SOX5: variants seen among roughly 807,000 people sequenced by gnomAD.
SOX5 encodes the protein transcription factor SOX-5.
SOX5 carries 9 observed loss-of-function variants against 92.0 expected under a neutral mutation model. That is an observed-to-expected ratio of 0.10 (90% CI 0.06 to 0.17). The LOEUF is 0.17. SOX5 is among the 10% of genes least tolerant of loss of function. The pLI is 1.00. For synonymous variants in SOX5, 344 were observed against 336.3 expected, an observed-to-expected ratio of 1.02 and a Z score of -0.25; for missense variants, 642 against 944.5, an observed-to-expected ratio of 0.68 and a Z score of 4.20.
At chr12:23,922,602 A>G (rs1006571359) in intron 1 of SOX5, among the ~76,000 whole-genome samples, 3 of 152,224 alleles carry the variant, frequency 2.0e-5, no homozygotes, top group African/African-American at 7.2e-5. Context: ...TTTAGACGCT[A>G]TTACAGAGAA....
At chr12:23,757,644 G>C (rs1187260104) in intron 3 of SOX5, among the ~76,000 whole-genome samples, 4 of 151,914 alleles carry the variant, frequency 2.6e-5, no homozygotes, top group Non-Finnish European at 5.9e-5. Context: ...ATTTGCAATA[G>C]AGTACTGTCA....
At chr12:24,299,291 T>A (rs1947682657) in intron 2 of SOX5, among the ~76,000 whole-genome samples, 1 of 152,174 alleles carries the variant, frequency 6.6e-6, no homozygotes, top group Admixed American at 6.5e-5. Context: ...TATTCAGCAA[T>A]TTACGACAAG....
In SOX5 at chr12:24,211,286, T is replaced by G. The variant is rs573392024; in HGVS notation, c.-2+2057A>C. Among the ~76,000 whole-genome samples the G allele has an allele frequency of 1.4e-3, 208 of 152,356 alleles. 2 individuals carry two copies. The highest frequency in any genetic ancestry group is 8.2e-4 in the Non-Finnish European group (56 of 68,022). Reference sequence around the variant, plus strand: ...GGAGGTATTTCAGTGTTCTCTAGTATCTCTGCTTTATTTTTCTTCTTAGTA... The same window carrying G: ...GGAGGTATTTCAGTGTTCTCTAGTAGCTCTGCTTTATTTTTCTTCTTAGTA... On this transcript the variant is annotated intron_variant, in intron 4 of 4. Transcript: ENST00000446891.
chr12:24,253,451 C>G (rs10842298), intron 3 of SOX5, among the ~76,000 whole-genome samples: 23,567 of 151,960 alleles, frequency 0.16, 2,266 homozygotes, highest in South Asian at 0.23. Context: ...ACCATTGATC[C>G]TTATTCATCT....
intron 1 of SOX5, among the ~76,000 whole-genome samples, chr12:24,519,528 G>C (rs1222426087): frequency 6.6e-6 from 1 of 152,084 alleles, no homozygotes; most frequent in East Asian, 1.9e-4. Context: ...AAGATACCTG[G>C]AGAAAAAGTG....
intron 1 of SOX5, among the ~76,000 whole-genome samples, chr12:24,550,091 G>T (rs1380738178): frequency 1.1e-4 from 17 of 152,234 alleles, no homozygotes. Context: ...TGCTAGCTAT[G>T]CTACTTTGAG....
intron 8 of SOX5, among the ~76,000 whole-genome samples, chr12:23,620,514 C>G (rs554461439): frequency 6.6e-6 from 1 of 151,924 alleles, no homozygotes; most frequent in Admixed American, 6.6e-5. Flanking sequence ...TTTCCTCTTT[C>G]TTGTATAATT....
At chr12:23,965,486 C>T (rs954715546) in intron 4 of SOX5, among the ~76,000 whole-genome samples, 1 of 152,160 alleles carries the variant, frequency 6.6e-6, no homozygotes, top group Non-Finnish European at 1.5e-5. Flanking sequence ...CAACTTCCTG[C>T]ACAAATTGTG....
chr12:23,640,988 C>T, intron 7 of SOX5, 91 bp from the exon 8 acceptor site: 1 of 832,876 alleles, frequency 1.2e-6, no homozygotes, highest in Non-Finnish European at 1.9e-6. Flanking sequence ...CAAAAGCCTT[C>T]TTTTGTGTGC....
At chr12:24,167,580 G>A (rs1450452300) in intron 4 of SOX5, among the ~76,000 whole-genome samples, 1 of 152,166 alleles carries the variant, frequency 6.6e-6, no homozygotes, top group Admixed American at 6.5e-5. Context: ...CACATTCTAA[G>A]AATTCTACTT....
chr12:24,499,044 T>C (rs1215425379), intron 1 of SOX5, among the ~76,000 whole-genome samples: 3 of 152,208 alleles, frequency 2.0e-5, no homozygotes, highest in African/African-American at 7.2e-5. Flanking sequence ...TCAATCTACA[T>C]GGGCTCATGC....
At chr12:23,582,125 A>G (rs1274979422) in intron 9 of SOX5, 6 of 983,744 alleles carry the variant, frequency 6.1e-6, no homozygotes, top group Non-Finnish European at 7.2e-6. Context: ...GTTACATGAC[A>G]GCCTGAATTG....
At chr12:23,584,417 C>G in intron 9 of SOX5, 1 of 752,194 alleles carries the variant, frequency 1.3e-6, no homozygotes, top group Non-Finnish European at 2.4e-6. Flanking sequence ...TCTGGTTATA[C>G]GCAGATAGGC....
intron 4 of SOX5, among the ~76,000 whole-genome samples, chr12:24,071,494 G>A (rs1941765999): frequency 6.6e-6 from 1 of 152,114 alleles, no homozygotes. Flanking sequence ...GAGTGCAGTG[G>A]CGCGATCTCG....
At chr12:24,482,421 T>A (rs1232494679) in intron 1 of SOX5, among the ~76,000 whole-genome samples, 4 of 152,190 alleles carry the variant, frequency 2.6e-5, no homozygotes, top group Non-Finnish European at 5.9e-5. Context: ...CTTTGAAATG[T>A]TGACACTCAG....
intron 7 of SOX5, among the ~76,000 whole-genome samples, chr12:23,642,944 G>A (rs1306458541): frequency 2.2e-5 from 3 of 139,242 alleles, no homozygotes; most frequent in Admixed American, 7.0e-5. Flanking sequence ...AAAATTAGCC[G>A]GGCGTAGTGG....
rs541028949 is a variant in SOX5 at position 24,336,463 on chromosome 12, G to GT, written c.-174+32099dup. Among the ~76,000 whole-genome samples, 56 of 152,238 alleles carry GT rather than the reference G, an allele frequency of 3.7e-4. No homozygotes were observed. The East Asian group carries it at 8.1e-3, about 22-fold the overall frequency. ...AATCATTCAACACTGTACCAAGAAT[G>GT]TTTTGAGATTGGGGGAAAGATCAGT... On this transcript the variant is annotated intron_variant, in intron 2 of 4. Transcript: ENST00000446891.
At chr12:24,102,904 A>C (rs1479940117) in intron 4 of SOX5, among the ~76,000 whole-genome samples, 6 of 152,222 alleles carry the variant, frequency 3.9e-5, no homozygotes, top group Non-Finnish European at 4.4e-5. Context: ...TGTGGAGATA[A>C]GATTTCACTG....
intron 1 of SOX5, among the ~76,000 whole-genome samples, chr12:23,897,416 G>T: frequency 6.6e-6 from 1 of 152,118 alleles, no homozygotes; most frequent in East Asian, 1.9e-4. Flanking sequence ...TACTGATTCT[G>T]TCACTTACTA....
Sources: allele counts gnomAD v4.1 joint callset (sites outside exome capture counted in the v4.1 genomes callset), GRCh38; gene constraint gnomAD v4.1.1; transcripts MANE v1.5; gene names NCBI Gene and HGNC (gene_info 2026-07-23, HGNC 2026-07-21).